ARFGAP1: variants seen among roughly 807,000 people sequenced by gnomAD.
ARFGAP1 encodes the protein ARF GTPase activating protein 1, also known as ADP-ribosylation factor GTPase-activating protein 1.
ARFGAP1 carries 26 observed loss-of-function variants against 54.0 expected under a neutral mutation model. The ratio of observed to expected loss-of-function variants is 0.48; its 90% CI spans 0.35 to 0.67. The LOEUF (loss-of-function observed/expected upper bound fraction) is 0.67. Ranked by LOEUF, ARFGAP1 falls within the 30% of genes least tolerant of loss-of-function variation. The pLI is 0.00. For missense variants in ARFGAP1, 525 were observed against 535.8 expected (o/e 0.98, Z 0.20); for synonymous variants, 248 against 211.9 (o/e 1.17, Z -1.48).
At chr20:63,284,146 A>G in intron 9 of ARFGAP1, 1 of 1,324,160 alleles carries the variant, frequency 7.6e-7, no homozygotes. Flanking sequence ...AAACACACAG[A>G]CCCCCAACGC....
At chr20:63,274,984 C>T (rs887249564) in intron 1 of ARFGAP1, among the ~76,000 whole-genome samples, 6 of 152,188 alleles carry the variant, frequency 3.9e-5, no homozygotes, top group African/African-American at 1.4e-4. Flanking sequence ...CACACTGTCG[C>T]CCCCATGCCT....
At chr20:63,275,980 G>A in intron 2 of ARFGAP1, 111 bp from the exon 3 acceptor site, 1 of 965,084 alleles carries the variant, frequency 1.0e-6, no homozygotes, top group South Asian at 1.4e-5. Flanking sequence ...CACACCCCCG[G>A]CCACCCTGGG....
Position 63,287,888 on chromosome 20 carries a change from C to A in ARFGAP1, c.*15C>A. The stretch of plus-strand genomic sequence containing the variant: ...AGAACTGGTAGGGCCCACTGCGCCC[C>A]CGTCCCCAGCGCCCCCGGGCGACTT... On this transcript the variant is annotated 3_prime_UTR_variant, in exon 13 of 13. Coordinates refer to ENST00000370283, the MANE Select transcript of ARFGAP1 (RefSeq NM_018209.4). 6.7e-7 allele frequency: 1 copy of A among 1,497,086 alleles called. No individual in the cohort carries two copies. The highest frequency in any genetic ancestry group is 8.9e-7 in the Non-Finnish European group (1 of 1,121,756). The allele number at this position is 1,497,086 out of a possible 1,614,324, so 92.7% of individuals were successfully genotyped here.
intron 5 of ARFGAP1, 53 bp downstream of exon 5, chr20:63,277,358 G>A (rs1234851878): frequency 6.9e-7 from 1 of 1,444,904 alleles, no homozygotes; most frequent in Non-Finnish European, 9.3e-7. Context: ...CCTGAACTTA[G>A]TAGATTGGGT....
At chr20:63,286,971 T>C (rs1013392592) in intron 12 of ARFGAP1, 1 of 163,162 alleles carries the variant, frequency 6.1e-6, no homozygotes, top group Non-Finnish European at 1.3e-5. Context: ...CTGGCTGCTG[T>C]TCTCGGCCTC....
chr20:63,275,427 T>C lies in ARFGAP1; in HGVS notation c.-4-150T>C, dbSNP rs1013916444. ...GTAAGTGGTCCCTGCGGACCCCTGCTGCGAGTGGTCCTGTGACCGGGGCTT... is the reference window on the plus strand; with the variant it reads ...GTAAGTGGTCCCTGCGGACCCCTGCCGCGAGTGGTCCTGTGACCGGGGCTT... On this transcript the variant is annotated intron_variant, in intron 1 of 12. Coordinates refer to ENST00000370283, the MANE Select transcript of ARFGAP1 (RefSeq NM_018209.4). 21 of 714,306 alleles carry C rather than the reference T, an allele frequency of 2.9e-5. No homozygotes were observed. The African/African-American group carries it at 3.5e-4, about 12-fold the overall frequency. 44.2% of individuals were successfully genotyped at this position (714,306 alleles called of 1,614,324 possible).
At position 63,284,142 on chromosome 20, in the gene ARFGAP1, A is replaced by G. The variant is rs997021643; in HGVS notation, c.718-724A>G. On this transcript the variant is annotated intron_variant, in intron 9 of 12. Transcript: ENST00000370283. ...AATGAGACCCCCATCTCCAAAACAC[A>G]CAGACCCCCAACGCAGGCCTGCTGC... 13 of 1,328,764 alleles carry G rather than the reference A, an allele frequency of 9.8e-6. No homozygotes were observed. In the South Asian group the frequency reaches 1.4e-4, roughly 14 times the overall value. The allele number at this position is 1,328,764 out of a possible 1,614,324, so 82.3% of individuals were successfully genotyped here. A position where few individuals can be genotyped will look rare whatever the true frequency, so the allele number is the denominator to read the frequency against.
Position 63,280,934 on chromosome 20 carries a change from C to T in ARFGAP1, c.628-357C>T, listed in dbSNP as rs186769172. ...AGGTTACGCTGGTCGTGACCCCACACGCCTCACCTCTGCCTGTTCCTCTAG... is the reference window on the plus strand; with the variant it reads ...AGGTTACGCTGGTCGTGACCCCACATGCCTCACCTCTGCCTGTTCCTCTAG... On this transcript the variant is annotated intron_variant, in intron 7 of 12. Coordinates refer to ENST00000370283, the MANE Select transcript of ARFGAP1 (RefSeq NM_018209.4). Among the ~76,000 whole-genome samples the T allele has an allele frequency of 6.6e-5, 10 of 152,360 alleles. No individual in the cohort carries two copies. In the East Asian group the frequency reaches 7.7e-4, roughly 12 times the overall value.
rs751323965 is a variant in ARFGAP1, at chr20:63,287,908, C to T, written c.*35C>T. The T allele has an allele frequency of 3.4e-5, 50 of 1,470,216 alleles. No homozygotes were observed. Among genetic ancestry groups the T allele is most frequent in the East Asian group, 1.5e-4 (6 of 40,240 alleles). 91.1% of individuals were successfully genotyped at this position (1,470,216 alleles called of 1,614,324 possible). On this transcript the variant is annotated 3_prime_UTR_variant, in exon 13 of 13. Transcript: ENST00000370283. ...CGCCCCCGTCCCCAGCGCCCCCGGG[C>T]GACTTCGTGTTTGCACTCTGCCCTC...
chr20:63,275,321 G>A (rs1026102329), intron 1 of ARFGAP1, among the ~76,000 whole-genome samples: 1 of 152,216 alleles, frequency 6.6e-6, no homozygotes, highest in African/African-American at 2.4e-5. Context: ...CAAAGCGGCA[G>A]CAGTAATGAT....
Position 63,275,587 on chromosome 20 carries a change from A to G in ARFGAP1, c.7A>G (p.Ser3Gly). 1 of 1,613,926 alleles carries G rather than the reference A, an allele frequency of 6.2e-7. No individual in the cohort carries two copies. The highest frequency in any genetic ancestry group is 8.5e-7 in the Non-Finnish European group (1 of 1,179,994). The change falls in exon 2 of 13, where the codon AGC becomes GGC. Residue 3 changes from serine to glycine, a missense_variant. By Grantham distance (56) the Ser-to-Gly change is moderately conservative (BLOSUM62 0). Around this residue, in one of 3 missense-constraint regions of ARFGAP1, gnomAD observed 39 missense variants for 40.4 expected, o/e 0.97. Coordinates refer to ENST00000370283, the MANE Select transcript of ARFGAP1 (RefSeq NM_018209.4). ...TTTTCTCCTTTGCAGCATCATGGCC[A>G]GCCCAAGAACCAGGAAGGTTCTTAA... The part of the protein sequence containing the change: MA[S>G]PRTRKVLKEV...
At chr20:63,278,503 G>GC in intron 6 of ARFGAP1, 1 of 468,506 alleles carries the variant, frequency 2.1e-6, no homozygotes, top group East Asian at 4.0e-5. Context: ...GTGACCCCCA[G>GC]CTGCCCAGGT....
At chr20:63,278,317 G>C in intron 6 of ARFGAP1, 114 bp downstream of exon 6, 1 of 1,075,382 alleles carries the variant, frequency 9.3e-7, no homozygotes, top group Non-Finnish European at 1.4e-6. Flanking sequence ...TGGGACCCAG[G>C]CATGCGCGGT....
At chr20:63,285,617 C>T (rs774953035) in intron 10 of ARFGAP1, 37 bp from the exon 11 acceptor site, 68 of 1,605,218 alleles carry the variant, frequency 4.2e-5, no homozygotes, top group East Asian at 1.6e-4. Flanking sequence ...TTTCATCTCT[C>T]CCGCCCCCAT....
intron 7 of ARFGAP1, chr20:63,279,346 T>C (rs1430547778): frequency 5.1e-6 from 2 of 394,432 alleles, no homozygotes; most frequent in Non-Finnish European, 9.7e-6. Flanking sequence ...GCTGGGATTA[T>C]AGGCACCTAC....
chr20:63,283,725 C>A, intron 9 of ARFGAP1: 1 of 1,034,276 alleles, frequency 9.7e-7, no homozygotes, highest in Non-Finnish European at 1.4e-6. Flanking sequence ...GGTTGTGTTG[C>A]TGAGAGCCTG....
At chr20:63,284,690 A>C (rs1453898087) in intron 9 of ARFGAP1, 176 bp from the exon 10 acceptor site, 4 of 1,442,962 alleles carry the variant, frequency 2.8e-6, no homozygotes, top group African/African-American at 2.8e-5. Flanking sequence ...GTGGCGGCCT[A>C]CTGCCCTTCG....
chr20:63,285,338 GC>G (rs1275900103), intron 10 of ARFGAP1: 1 of 507,762 alleles, frequency 2.0e-6, no homozygotes, highest in Non-Finnish European at 3.6e-6. Flanking sequence ...CCAGCTCCCT[GC>G]CTCCTTCGGG....
rs11908130 is a variant in ARFGAP1, at chr20:63,289,739, G to C, written c.*1866G>C. On this transcript the variant is annotated 3_prime_UTR_variant, in exon 13 of 13. Coordinates refer to ENST00000370283, the MANE Select transcript of ARFGAP1 (RefSeq NM_018209.4). ...TCTCCTTGCTGTGTGTGAGGGCCCA[G>C]GTGGAAGGCGCGGACCTGACAGCAT... is the stretch of plus-strand genomic sequence containing the variant. 1 of 152,314 alleles carries C rather than the reference G, an allele frequency of 6.6e-6. No individual in the cohort carries two copies. The highest frequency in any genetic ancestry group is 1.5e-5 in the Non-Finnish European group (1 of 68,114). 9.4% of individuals were successfully genotyped at this position (152,314 alleles called of 1,614,324 possible).
Sources: allele counts gnomAD v4.1 joint callset (sites outside exome capture counted in the v4.1 genomes callset), GRCh38; gene constraint gnomAD v4.1.1; regional missense constraint gnomAD v4.1.1; transcripts MANE v1.5; gene names NCBI Gene and HGNC (gene_info 2026-07-23, HGNC 2026-07-21).